DPH6: variants seen among roughly 807,000 people sequenced by gnomAD.
DPH6 encodes diphthamine biosynthesis 6.
Under a neutral mutation model 38.2 loss-of-function variants are expected in DPH6, and 33 were observed. The observed-to-expected ratio is 0.86, with a 90% confidence interval of 0.65 to 1.15. The LOEUF is 1.15. Among genes scored for constraint, DPH6 ranks in the 50% most tolerant of loss-of-function variants. DPH6 has a pLI of 0.00. For synonymous variants in DPH6, 108 were observed against 103.0 expected, an observed-to-expected ratio of 1.05 and a Z score of -0.30; for missense variants, 325 against 320.0, an observed-to-expected ratio of 1.02 and a Z score of -0.12.
rs192524398 is a variant in DPH6 at position 35,461,007 on chromosome 15, A to G, written c.313-6187T>C. 4.6e-5 allele frequency among the ~76,000 whole-genome samples: 7 copies of G among 152,338 alleles called. No individual in the cohort carries two copies. In the East Asian group the frequency reaches 9.6e-4, roughly 21 times the overall value. ...ATTTATTCAGAAAGAGCCAATAAAT[A>G]TATCAATACAATGTTTAAGAATCCA... On this transcript the variant is annotated intron_variant, in intron 3 of 8. Coordinates refer to ENST00000256538, the MANE Select transcript of DPH6 (RefSeq NM_080650.4).
chr15:35,218,821 C>G (rs1259863611), exon 4 of DPH6: 2 of 151,454 alleles, frequency 1.3e-5, no homozygotes, highest in Non-Finnish European at 2.9e-5. Context: ...ATATGACAAT[C>G]AACTGAACCT....
chr15:35,237,962 G>C (rs2051567510), intron 3 of DPH6: 1 of 1,424,992 alleles, frequency 7.0e-7, no homozygotes, highest in African/African-American at 1.4e-5. Flanking sequence ...TTATAACGAT[G>C]GAGAGGTTGA....
At chr15:35,534,186 T>G (rs1206185901) in intron 3 of DPH6, among the ~76,000 whole-genome samples, 1 of 152,010 alleles carries the variant, frequency 6.6e-6, no homozygotes, top group Admixed American at 6.6e-5. Context: ...GAGACCAGCC[T>G]GACCAACATG....
chr15:35,499,353 TGA>T (rs1425056160), intron 3 of DPH6, among the ~76,000 whole-genome samples: 2 of 152,120 alleles, frequency 1.3e-5, no homozygotes, highest in Non-Finnish European at 2.9e-5. Context: ...CTGATGATTA[TGA>T]GAGTTAATTA....
chr15:35,487,285 A>G (rs1405007464), intron 3 of DPH6, among the ~76,000 whole-genome samples: 1 of 152,212 alleles, frequency 6.6e-6, no homozygotes, highest in African/African-American at 2.4e-5. Context: ...TGGGGGTTTC[A>G]ACCCCACATT....
the DPH6 span, among the ~76,000 whole-genome samples, chr15:35,194,210 T>C: frequency 1.3e-5 from 2 of 152,280 alleles, no homozygotes; most frequent in East Asian, 1.9e-4. Flanking sequence ...TTGTGACCGT[T>C]TTCTCATTTA....
intron 3 of DPH6, among the ~76,000 whole-genome samples, chr15:35,234,720 G>A (rs1161742346): frequency 6.6e-6 from 1 of 152,212 alleles, no homozygotes; most frequent in Non-Finnish European, 1.5e-5. Flanking sequence ...ATAGGATTGG[G>A]CATGTGATCT....
chr15:35,249,070 G>A (rs1002749743), intron 3 of DPH6, among the ~76,000 whole-genome samples: 6 of 152,122 alleles, frequency 3.9e-5, no homozygotes, highest in African/African-American at 9.7e-5. Context: ...CCAGACCTTC[G>A]GAATGTTTTA....
At position 35,478,877 on chromosome 15, in the gene DPH6, A is replaced by G. The variant is rs1437630120; in HGVS notation, c.313-24057T>C. Among the ~76,000 whole-genome samples, 9 of 152,210 alleles carry G rather than the reference A, an allele frequency of 5.9e-5. No homozygotes were observed. The East Asian group carries it at 1.7e-3, about 29-fold the overall frequency. The stretch of plus-strand genomic sequence containing the variant: ...ACTTTAAGAGCATATTATGATTTTC[A>G]AAGCATTCTCAGATTCCTAATTAAG... On this transcript the variant is annotated intron_variant, in intron 3 of 8. Transcript: ENST00000256538.
intron 3 of DPH6, among the ~76,000 whole-genome samples, chr15:35,532,933 G>A (rs537734570): frequency 3.3e-5 from 5 of 151,940 alleles, no homozygotes; most frequent in South Asian, 2.1e-4. Context: ...GCAAAACCCC[G>A]TCTCTACTAA....
At chr15:35,176,734 G>A in the DPH6 span, among the ~76,000 whole-genome samples, 2 of 152,306 alleles carry the variant, frequency 1.3e-5, no homozygotes, top group East Asian at 3.9e-4. Context: ...GCCTCCCAAA[G>A]TGCTGGGATT....
the DPH6 span, among the ~76,000 whole-genome samples, chr15:35,161,695 GCTCTCT>G: frequency 0.22 from 33,736 of 150,146 alleles, 4,682 homozygotes; most frequent in East Asian, 0.31. Context: ...TAGTGTGCTC[GCTCTCT>G]CTCTCTCTCT....
intron 3 of DPH6, among the ~76,000 whole-genome samples, chr15:35,357,241 G>A (rs760021181): frequency 2.6e-5 from 4 of 152,186 alleles, no homozygotes; most frequent in Non-Finnish European, 4.4e-5. Context: ...CAGGTGAGGC[G>A]ATGCCTCGCC....
intron 3 of DPH6, among the ~76,000 whole-genome samples, chr15:35,473,304 G>C (rs1446932370): frequency 6.6e-6 from 1 of 152,094 alleles, no homozygotes; most frequent in African/African-American, 2.4e-5. Context: ...AGCAAGTACT[G>C]TTATTTGCAT....
Position 35,454,750 on chromosome 15 carries a change from T to C in DPH6, c.383A>G (p.Asn128Ser), listed in dbSNP as rs761595092. The change falls in exon 4 of 9, where the codon AAT becomes AGT. Residue 128 changes from asparagine (N) to serine (S), a missense_variant. Transcript: ENST00000256538. The stretch of plus-strand genomic sequence containing the variant: ...TAACAAATTAATGTTTTCTTACACA[T>C]TTTCCACTCGAATACGCTGATAGTC... ...LSDYQRIRVENVCKRLNLQPL... is the reference protein window; with the variant it reads ...LSDYQRIRVESVCKRLNLQPL... 6.2e-7 allele frequency: 1 copy of C among 1,606,342 alleles called. No individual in the cohort carries two copies.
At chr15:35,518,016 C>A (rs1317774406) in intron 3 of DPH6, among the ~76,000 whole-genome samples, 2 of 151,974 alleles carry the variant, frequency 1.3e-5, no homozygotes, top group East Asian at 3.9e-4. Context: ...AATTACTTTA[C>A]TATTAGATGG....
chr15:35,213,914 C>A (rs186398041), downstream of DPH6, among the ~76,000 whole-genome samples: 1,626 of 152,272 alleles, frequency 0.011, 33 homozygotes, highest in African/African-American at 0.038. Context: ...AGATCGAGAC[C>A]ATCCTGGCTA....
intron 3 of DPH6, among the ~76,000 whole-genome samples, chr15:35,226,797 C>T (rs528075249): frequency 4.3e-4 from 65 of 152,190 alleles, no homozygotes; most frequent in African/African-American, 1.4e-3. Context: ...ATCAAAATAC[C>T]AGTTTTGTCT....
intron 3 of DPH6, among the ~76,000 whole-genome samples, chr15:35,251,798 C>T (rs893492506): frequency 1.3e-5 from 2 of 152,228 alleles, no homozygotes; most frequent in African/African-American, 4.8e-5. Context: ...AACAACAGCA[C>T]TGGCCTCGCT....
Sources: gnomAD v4.1 joint callset for allele counts (sites outside exome capture counted in the v4.1 genomes callset) on GRCh38, gnomAD v4.1.1 for gene constraint, MANE v1.5 for transcripts, NCBI Gene and HGNC (gene_info 2026-07-23, HGNC 2026-07-21) for gene names.